The following CTPS2 variants were observed in gnomAD, a reference collection of about 807,000 sequenced individuals.
CTPS2 encodes CTP synthase 2, also known as CTP synthase II.
A neutral mutation model predicts 46.8 loss-of-function variants in CTPS2; 19 were observed. The observed-to-expected ratio is 0.41, with a 90% confidence interval of 0.28 to 0.60. The LOEUF is 0.60. Among genes scored for constraint, CTPS2 ranks in the 20% least tolerant of loss-of-function variants. The pLI is 0.35. For missense variants in CTPS2, 286 were observed against 447.6 expected, an observed-to-expected ratio of 0.64 and a Z score of 3.26; for synonymous variants, 151 against 165.2, an observed-to-expected ratio of 0.91 and a Z score of 0.66.
chrX:16,645,620 C>T (rs1256791874), intron 13 of CTPS2, among the ~76,000 whole-genome samples: 2 of 112,163 alleles, frequency 1.8e-5, no homozygotes, highest in Non-Finnish European at 3.8e-5. Context: ...CCCATAAGTA[C>T]GTATGTATTT....
At chrX:16,603,722 T>C (rs910580575) in intron 17 of CTPS2, among the ~76,000 whole-genome samples, 64 of 110,730 alleles carry the variant, frequency 5.8e-4, no homozygotes, top group African/African-American at 1.8e-3. Flanking sequence ...TGCTTTTTTT[T>C]TCTCTCTCTC....
chrX:16,595,162 T>TACACACACACACAC (rs10643985), intron 17 of CTPS2, among the ~76,000 whole-genome samples: 7 of 102,728 alleles, frequency 6.8e-5, no homozygotes, highest in Admixed American at 3.2e-4. Flanking sequence ...AGCAATCTTT[T>TACACACACACACAC]ACACACACAC....
At chrX:16,700,456 G>C (rs1031262352) in intron 2 of CTPS2, among the ~76,000 whole-genome samples, 1 of 105,449 alleles carries the variant, frequency 9.5e-6, no homozygotes, top group Admixed American at 1.1e-4. Flanking sequence ...CGCCATGTTT[G>C]CCAGGCTGGG....
intron 11 of CTPS2, among the ~76,000 whole-genome samples, chrX:16,670,241 C>T (rs1921630996): frequency 8.9e-6 from 1 of 111,788 alleles, no homozygotes; most frequent in African/African-American, 3.3e-5. Flanking sequence ...GGATGAGAAA[C>T]GTTTTCTGTA....
intron 8 of CTPS2, among the ~76,000 whole-genome samples, chrX:16,686,623 G>T (rs1468415492): frequency 1.8e-5 from 2 of 112,631 alleles, no homozygotes; most frequent in Admixed American, 1.9e-4. Flanking sequence ...GAGGCCAAAG[G>T]CTGGGCATGG....
chrX:16,623,150 A>G (rs1930928460), intron 14 of CTPS2, among the ~76,000 whole-genome samples: 2 of 111,196 alleles, frequency 1.8e-5, no homozygotes, highest in African/African-American at 6.5e-5. Flanking sequence ...CAGTAGGTAT[A>G]TATATTTAGG....
intron 16 of CTPS2, among the ~76,000 whole-genome samples, chrX:16,610,569 A>T: frequency 8.9e-6 from 1 of 112,490 alleles, no homozygotes; most frequent in Non-Finnish European, 1.9e-5. Context: ...AAGGCTGTGG[A>T]GAAAAGAAAA....
intron 17 of CTPS2, among the ~76,000 whole-genome samples, chrX:16,603,047 T>C (rs933308847): frequency 6.3e-5 from 7 of 111,692 alleles, no homozygotes; most frequent in Non-Finnish European, 1.3e-4. Context: ...AGGCTCATCT[T>C]GTACTTTTCC....
chrX:16,687,474 CAA>C (rs35798035), intron 8 of CTPS2, among the ~76,000 whole-genome samples: 8 of 44,390 alleles, frequency 1.8e-4, no homozygotes, highest in Non-Finnish European at 2.8e-4. Flanking sequence ...CACCCTGTGT[CAA>C]AAAAAAAAAA....
At chrX:16,691,097 A>T (rs1250887390) in intron 7 of CTPS2, among the ~76,000 whole-genome samples, 1 of 112,490 alleles carries the variant, frequency 8.9e-6, no homozygotes, top group Non-Finnish European at 1.9e-5. Context: ...CGGGCGGATC[A>T]TCTGAGGTCA....
chrX:16,610,888 A>G (rs751764315), intron 16 of CTPS2, among the ~76,000 whole-genome samples: 10 of 112,448 alleles, frequency 8.9e-5, no homozygotes, highest in African/African-American at 2.9e-4. Context: ...CCTTTGCAGC[A>G]ACATGGATGC....
intron 16 of CTPS2, among the ~76,000 whole-genome samples, chrX:16,613,986 G>A (rs769234676): frequency 2.7e-4 from 30 of 111,335 alleles, no homozygotes; most frequent in African/African-American, 8.8e-4. Flanking sequence ...TAGGAATGCT[G>A]CCAAACACTC....
At chrX:16,594,965 T>C (rs1929147750) in intron 17 of CTPS2, among the ~76,000 whole-genome samples, 1 of 113,139 alleles carries the variant, frequency 8.8e-6, no homozygotes, top group African/African-American at 3.2e-5. Context: ...AGACCAACAG[T>C]GGCTCTTGCA....
intron 13 of CTPS2, among the ~76,000 whole-genome samples, chrX:16,659,498 G>C (rs1052759721): frequency 9.0e-6 from 1 of 110,663 alleles, no homozygotes; most frequent in Admixed American, 9.7e-5. Context: ...ACCATGTTTG[G>C]GGTGGAATGT....
At chrX:16,664,296 C>T (rs1484931799) in intron 13 of CTPS2, among the ~76,000 whole-genome samples, 2 of 112,335 alleles carry the variant, frequency 1.8e-5, no homozygotes, top group African/African-American at 6.5e-5. Context: ...TTTCCTGGCA[C>T]AGCCATTTCA....
chrX:16,690,558 C>A (rs1342830685), intron 7 of CTPS2, among the ~76,000 whole-genome samples: 1 of 111,070 alleles, frequency 9.0e-6, no homozygotes, highest in African/African-American at 3.3e-5. Context: ...TCAATTTGAT[C>A]ATTTTTAGAC....
chrX:16,666,621 C>A (rs758613181), intron 13 of CTPS2, among the ~76,000 whole-genome samples: 33 of 111,168 alleles, frequency 3.0e-4, no homozygotes, highest in Non-Finnish European at 5.7e-4. Context: ...TGCATTCCAG[C>A]CTGTGTGACA....
At chrX:16,705,081 G>A (rs981306372) in intron 1 of CTPS2, among the ~76,000 whole-genome samples, 5 of 110,248 alleles carry the variant, frequency 4.5e-5, no homozygotes, top group Non-Finnish European at 9.5e-5. Flanking sequence ...TAGCAGTGGG[G>A]GAGAGGGTGT....
At chrX:16,619,428 C>G (rs2147201536) in intron 15 of CTPS2, among the ~76,000 whole-genome samples, 1 of 111,996 alleles carries the variant, frequency 8.9e-6, no homozygotes, top group African/African-American at 3.2e-5. Flanking sequence ...GTTGATTTCC[C>G]TGTCTGGAGA....
Sources: allele counts gnomAD v4.1 joint callset (sites outside exome capture counted in the v4.1 genomes callset), GRCh38; gene constraint gnomAD v4.1.1; transcripts MANE v1.5; gene names NCBI Gene and HGNC (gene_info 2026-07-23, HGNC 2026-07-21).